Variants in CNST observed in about 807,000 individuals in gnomAD.
CNST encodes consortin.
A neutral mutation model predicts 72.4 loss-of-function variants in CNST; 39 were observed. The observed-to-expected ratio is 0.54, with a 90% CI of 0.42 to 0.70. The LOEUF is 0.70. CNST is among the 30% of genes least tolerant of loss of function. CNST has a pLI of 0.00. For missense variants in CNST, 871 were observed against 868.5 expected (o/e 1.00, Z -0.04); for synonymous variants, 332 against 320.1 (o/e 1.04, Z -0.40).
intron 6 of CNST, among the ~76,000 whole-genome samples, chr1:246,634,945 C>T (rs1422675670): frequency 4.0e-5 from 6 of 151,560 alleles, no homozygotes; most frequent in Non-Finnish European, 8.9e-5. Context: ...CTCTGTCTAT[C>T]CTCGGTGGTG....
intron 3 of CNST, among the ~76,000 whole-genome samples, chr1:246,622,207 T>C (rs1277864611): frequency 6.6e-6 from 1 of 152,130 alleles, no homozygotes; most frequent in Non-Finnish European, 1.5e-5. Flanking sequence ...TGTAAGAGTT[T>C]GATAAGCATC....
intron 6 of CNST, among the ~76,000 whole-genome samples, chr1:246,638,239 GTCC>G (rs1558579462): frequency 6.6e-6 from 1 of 152,216 alleles, no homozygotes; most frequent in East Asian, 1.9e-4. Context: ...GGACCTGGAA[GTCC>G]TCCTTTTCTT....
At chr1:246,652,932 A>T (rs1666561275) in intron 9 of CNST, among the ~76,000 whole-genome samples, 1 of 150,448 alleles carries the variant, frequency 6.6e-6, no homozygotes, top group Non-Finnish European at 1.5e-5. Context: ...TGAACCTGGG[A>T]GGCGGAGCTT....
At chr1:246,634,435 T>A in intron 5 of CNST, 38 bp from the exon 6 acceptor site, 1 of 1,263,274 alleles carries the variant, frequency 7.9e-7, no homozygotes, top group Non-Finnish European at 1.1e-6. Context: ...TAAATATGTT[T>A]TATAAGAGCC....
intron 1 of CNST, among the ~76,000 whole-genome samples, chr1:246,580,228 T>C (rs560158976): frequency 2.3e-4 from 35 of 152,278 alleles, no homozygotes; most frequent in African/African-American, 8.2e-4. Flanking sequence ...ATAAATAATC[T>C]CTTGTACCTT....
At chr1:246,657,826 A>G (rs1666852235) in intron 9 of CNST, among the ~76,000 whole-genome samples, 1 of 152,146 alleles carries the variant, frequency 6.6e-6, no homozygotes. Context: ...TCCTCTGTCA[A>G]CATGTTTGTT....
intron 1 of CNST, among the ~76,000 whole-genome samples, chr1:246,587,207 T>C (rs1661252734): frequency 6.6e-6 from 1 of 152,182 alleles, no homozygotes; most frequent in Non-Finnish European, 1.5e-5. Context: ...GAAGCAAGCT[T>C]CTCACCTCAG....
chr1:246,578,645 T>C (rs1041208427), intron 1 of CNST, among the ~76,000 whole-genome samples: 1 of 151,684 alleles, frequency 6.6e-6, no homozygotes, highest in African/African-American at 2.4e-5. Flanking sequence ...CACTCCAGCC[T>C]AGGCAACAGA....
At chr1:246,587,375 A>G (rs1661263526) in intron 1 of CNST, among the ~76,000 whole-genome samples, 1 of 152,266 alleles carries the variant, frequency 6.6e-6, no homozygotes, top group East Asian at 1.9e-4. Flanking sequence ...ACATTTTAAA[A>G]CAATGTATAG....
At chr1:246,622,407 T>C (rs1029845357) in intron 3 of CNST, among the ~76,000 whole-genome samples, 1 of 152,220 alleles carries the variant, frequency 6.6e-6, no homozygotes, top group African/African-American at 2.4e-5. Context: ...CATTCTGCCC[T>C]GTGGACACTT....
intron 3 of CNST, among the ~76,000 whole-genome samples, chr1:246,622,063 C>T (rs1012218512): frequency 5.3e-5 from 8 of 152,176 alleles, no homozygotes; most frequent in African/African-American, 1.4e-4. Context: ...CTGTGTCCCA[C>T]TCATCACTGG....
chr1:246,592,948 C>T (rs1425342414), intron 2 of CNST, among the ~76,000 whole-genome samples: 4 of 152,142 alleles, frequency 2.6e-5, no homozygotes, highest in Non-Finnish European at 5.9e-5. Context: ...ACATATGGGA[C>T]TAGAAAGTTT....
chr1:246,612,560 TTG>T (rs1663390106), intron 2 of CNST, among the ~76,000 whole-genome samples: 1 of 152,082 alleles, frequency 6.6e-6, no homozygotes. Context: ...ATGTTAAATT[TTG>T]TGTTATGTTT....
At chr1:246,567,230 C>G (rs1401488003) in intron 1 of CNST, among the ~76,000 whole-genome samples, 1 of 152,130 alleles carries the variant, frequency 6.6e-6, no homozygotes, top group African/African-American at 2.4e-5. Context: ...AAGATTAAGA[C>G]TTTAGGATGC....
At chr1:246,576,091 C>T (rs371560159) in intron 1 of CNST, among the ~76,000 whole-genome samples, 1 of 149,010 alleles carries the variant, frequency 6.7e-6, no homozygotes, top group Non-Finnish European at 1.5e-5. Flanking sequence ...AAAAATTAGC[C>T]AGGCATGGTG....
chr1:246,590,859 CTTTTT>C (rs373861233), intron 1 of CNST, among the ~76,000 whole-genome samples: 4 of 135,780 alleles, frequency 2.9e-5, no homozygotes, highest in Admixed American at 7.5e-5. Context: ...TAACCATGGC[CTTTTT>C]TTTTTTTTTT....
At chr1:246,579,064 C>T (rs1400354095) in intron 1 of CNST, among the ~76,000 whole-genome samples, 2 of 152,230 alleles carry the variant, frequency 1.3e-5, no homozygotes, top group Non-Finnish European at 2.9e-5. Context: ...ACGGTCACTT[C>T]TCACAATAGA....
intron 6 of CNST, 84 bp downstream of exon 6, chr1:246,634,671 T>C (rs536958017): frequency 1.3e-6 from 1 of 766,736 alleles, no homozygotes; most frequent in South Asian, 1.8e-5. Flanking sequence ...TTTCTTTGTT[T>C]TATGTTTTCA....
intron 9 of CNST, among the ~76,000 whole-genome samples, chr1:246,655,510 C>T (rs976071152): frequency 6.6e-6 from 1 of 152,178 alleles, no homozygotes; most frequent in Non-Finnish European, 1.5e-5. Context: ...TTCATCTAAT[C>T]TCCTCTTCCC....
Sources: gnomAD v4.1 joint callset for allele counts (sites outside exome capture counted in the v4.1 genomes callset) on GRCh38, gnomAD v4.1.1 for gene constraint, MANE v1.5 for transcripts, NCBI Gene and HGNC (gene_info 2026-07-23, HGNC 2026-07-21) for gene names.